Variants in EYS observed in about 807,000 individuals in gnomAD.
The protein encoded by EYS is protein eyes shut homolog.
In EYS, 250 loss-of-function variants were observed where a neutral mutation model predicts 282.1. That is an observed-to-expected ratio of 0.89 (90% CI 0.80 to 0.98). EYS has a LOEUF of 0.98. Among genes scored for constraint, EYS ranks in the 50% least tolerant of loss-of-function variants. The probability of loss-of-function intolerance (pLI) is 0.00; values close to 1 mark genes in which losing one functional copy is unlikely to be tolerated. For missense variants in EYS, 4,016 were observed against 3,709.0 expected, an observed-to-expected ratio of 1.08 and a Z score of -2.15; for synonymous variants, 1,355 against 1,282.9, an observed-to-expected ratio of 1.06 and a Z score of -1.20.
At chr6:65,517,831 A>G (rs1319944766) in intron 2 of EYS, among the ~76,000 whole-genome samples, 4 of 152,042 alleles carry the variant, frequency 2.6e-5, no homozygotes, top group Admixed American at 6.6e-5. Flanking sequence ...AGAATATACA[A>G]GTTTTCACAT....
intron 26 of EYS, among the ~76,000 whole-genome samples, chr6:64,456,903 C>T (rs1457085918): frequency 6.6e-6 from 1 of 151,910 alleles, no homozygotes; most frequent in Non-Finnish European, 1.5e-5. Flanking sequence ...GTCCTTTACT[C>T]TTTACATAGC....
At chr6:63,793,318 C>T (rs866657964) in intron 37 of EYS, among the ~76,000 whole-genome samples, 29 of 152,100 alleles carry the variant, frequency 1.9e-4, no homozygotes, top group African/African-American at 6.5e-4. Flanking sequence ...AGCCAAAGGT[C>T]GAGAGTGTTG....
intron 11 of EYS, among the ~76,000 whole-genome samples, chr6:65,318,192 T>C (rs1769367704): frequency 4.0e-5 from 6 of 151,132 alleles, no homozygotes; most frequent in Admixed American, 4.0e-4. Flanking sequence ...TTTTTTACCG[T>C]GCAGTCCTCT....
At chr6:64,194,691 G>A (rs1666798032) in intron 31 of EYS, among the ~76,000 whole-genome samples, 1 of 152,062 alleles carries the variant, frequency 6.6e-6, no homozygotes, top group African/African-American at 2.4e-5. Flanking sequence ...CTTGTGATTA[G>A]CAACAACGTA....
intron 8 of EYS, among the ~76,000 whole-genome samples, chr6:65,356,198 C>CA (rs1409650066): frequency 1.3e-5 from 2 of 151,948 alleles, no homozygotes; most frequent in South Asian, 2.1e-4. Flanking sequence ...TCTTCTGCGG[C>CA]AAAAAAATAA....
Position 65,224,844 on chromosome 6 carries a change from A to G in EYS, c.2023+71019T>C, listed in dbSNP as rs138168785. Among the ~76,000 whole-genome samples the G allele has an allele frequency of 1.4e-3, 218 of 152,314 alleles. 1 individual carries two copies. The highest frequency in any genetic ancestry group is 4.6e-3 in the African/African-American group (193 of 41,584). ...ACTGGACAAATTCTTGAAAAAATAC[A>G]AACTACCAAAAATGAGTCAGGAAGA... On this transcript the variant is annotated intron_variant, in intron 12 of 42. Transcript: ENST00000503581.
chr6:63,931,641 G>A (rs1764898206), intron 35 of EYS, among the ~76,000 whole-genome samples: 1 of 151,878 alleles, frequency 6.6e-6, no homozygotes, highest in African/African-American at 2.4e-5. Context: ...TCTTTTTTTA[G>A]TTGGCACACA....
intron 26 of EYS, among the ~76,000 whole-genome samples, chr6:64,486,480 G>A (rs1001943325): frequency 6.6e-6 from 1 of 151,544 alleles, no homozygotes; most frequent in African/African-American, 2.4e-5. Flanking sequence ...TCATCATGGT[G>A]TATATAACTC....
At chr6:64,685,879 G>A (rs992600677) in intron 22 of EYS, among the ~76,000 whole-genome samples, 4 of 151,844 alleles carry the variant, frequency 2.6e-5, no homozygotes, top group African/African-American at 9.7e-5. Context: ...ATTAACCAAG[G>A]GTGATAACAT....
At chr6:64,249,574 A>C (rs1767138553) in intron 30 of EYS, among the ~76,000 whole-genome samples, 1 of 152,204 alleles carries the variant, frequency 6.6e-6, no homozygotes, top group Non-Finnish European at 1.5e-5. Context: ...TAAGGAACAG[A>C]CTACTTCAAG....
chr6:64,995,951 C>T (rs1771246436), intron 14 of EYS, among the ~76,000 whole-genome samples: 1 of 152,124 alleles, frequency 6.6e-6, no homozygotes, highest in South Asian at 2.1e-4. Context: ...AGTGTCAGGT[C>T]TGAAAGTGGA....
At chr6:65,072,050 A>T (rs898219924) in intron 12 of EYS, among the ~76,000 whole-genome samples, 7 of 151,800 alleles carry the variant, frequency 4.6e-5, no homozygotes, top group Admixed American at 2.0e-4. Context: ...ATTCTGTTAC[A>T]GTACAAAATG....
intron 36 of EYS, among the ~76,000 whole-genome samples, chr6:63,850,846 G>A (rs181955601): frequency 1.3e-5 from 2 of 152,116 alleles, no homozygotes; most frequent in East Asian, 3.9e-4. Flanking sequence ...CATGTAAATG[G>A]GCTAAATGCC....
intron 28 of EYS, among the ~76,000 whole-genome samples, chr6:64,404,638 C>G (rs1773650017): frequency 6.6e-6 from 1 of 152,128 alleles, no homozygotes; most frequent in South Asian, 2.1e-4. Context: ...TAATTCAAAT[C>G]TCAAGGGAGA....
chr6:64,893,568 A>G (rs1365868144), intron 18 of EYS, among the ~76,000 whole-genome samples: 2 of 152,040 alleles, frequency 1.3e-5, no homozygotes, highest in African/African-American at 2.4e-5. Context: ...AAGAGATAAG[A>G]CAATCAAATG....
At chr6:65,545,613 T>TTGTATATGTAC (rs1768356584) in intron 2 of EYS, among the ~76,000 whole-genome samples, 4 of 152,160 alleles carry the variant, frequency 2.6e-5, no homozygotes, top group Non-Finnish European at 4.4e-5. Flanking sequence ...TCAATATGTA[T>TTGTATATGTAC]GTTGTATATG....
chr6:64,202,049 A>C (rs1303253399), intron 31 of EYS, among the ~76,000 whole-genome samples: 1 of 152,230 alleles, frequency 6.6e-6, no homozygotes, highest in Non-Finnish European at 1.5e-5. Flanking sequence ...AACTGCTGCA[A>C]ATAAATATCA....
At chr6:64,817,900 T>A (rs986792083) in intron 21 of EYS, among the ~76,000 whole-genome samples, 1 of 152,170 alleles carries the variant, frequency 6.6e-6, no homozygotes, top group African/African-American at 2.4e-5. Context: ...CACAGTTTTT[T>A]AATTCTTTCC....
At chr6:64,305,721 C>T (rs913762174) in intron 30 of EYS, among the ~76,000 whole-genome samples, 2 of 152,066 alleles carry the variant, frequency 1.3e-5, no homozygotes, top group Non-Finnish European at 2.9e-5. Context: ...TTACCTAACA[C>T]CATATACAAT....
Sources: allele counts gnomAD v4.1 joint callset (sites outside exome capture counted in the v4.1 genomes callset), GRCh38; gene constraint gnomAD v4.1.1; transcripts MANE v1.5; gene names NCBI Gene and HGNC (gene_info 2026-07-23, HGNC 2026-07-21).